The following CCDC102B variants were observed in gnomAD, a reference collection of about 807,000 sequenced individuals.
CCDC102B encodes coiled-coil domain-containing protein 102B.
CCDC102B carries 75 observed loss-of-function variants against 57.4 expected under a neutral mutation model. That is an observed-to-expected ratio of 1.31 (90% CI 1.08 to 1.58). CCDC102B has a LOEUF of 1.58. Among genes scored for constraint, CCDC102B ranks in the 40% most tolerant of loss-of-function variants. CCDC102B has a pLI of 0.00. For synonymous variants in CCDC102B, 206 were observed against 201.9 expected (o/e 1.02, Z -0.17); for missense variants, 636 against 582.6 (o/e 1.09, Z -0.94).
chr18:68,897,896 G>A lies in CCDC102B; in HGVS notation c.1263+468G>A, dbSNP rs150141104. 4.4e-3 allele frequency: 930 copies of A among 209,460 alleles called. 11 individuals are homozygous for A. Among genetic ancestry groups the A allele is most frequent in the African/African-American group, 0.021 (880 of 42,096 alleles). The allele number at this position is 209,460 out of a possible 1,614,324, so 13.0% of individuals were successfully genotyped here. On this transcript the variant is annotated intron_variant, in intron 6 of 7. Transcript: ENST00000360242. Reference sequence around the variant, plus strand: ...GGTTCTTTTTTGTCAGTTTCAGAACGATTATTTTTGAGCTAATGAAATGCA... The same window carrying A: ...GGTTCTTTTTTGTCAGTTTCAGAACAATTATTTTTGAGCTAATGAAATGCA...
chr18:68,980,368 T>G (rs1462212033), intron 6 of CCDC102B, among the ~76,000 whole-genome samples: 1 of 150,510 alleles, frequency 6.6e-6, no homozygotes, highest in South Asian at 2.1e-4. Context: ...GGGCCTGATA[T>G]GTCCTGTCAC....
chr18:68,770,518 G>T (rs113574623), intron 2 of CCDC102B, among the ~76,000 whole-genome samples: 6 of 152,132 alleles, frequency 3.9e-5, no homozygotes, highest in Admixed American at 3.9e-4. Context: ...CTTCCATGAC[G>T]CCAAGGCAAG....
chr18:69,028,137 G>A (rs1009541682), intron 7 of CCDC102B, among the ~76,000 whole-genome samples: 1 of 152,164 alleles, frequency 6.6e-6, no homozygotes, highest in African/African-American at 2.4e-5. Flanking sequence ...GAAGCATATG[G>A]GGCAACTAAG....
At chr18:68,806,097 A>G (rs1388929378) in intron 1 of CCDC102B, among the ~76,000 whole-genome samples, 1 of 152,216 alleles carries the variant, frequency 6.6e-6, no homozygotes, top group Non-Finnish European at 1.5e-5. Flanking sequence ...AATTTTGGAT[A>G]AAAATAAAAT....
At chr18:68,982,064 G>T (rs73467655) in intron 6 of CCDC102B, among the ~76,000 whole-genome samples, 10,041 of 151,896 alleles carry the variant, frequency 0.066, 571 homozygotes, top group African/African-American at 0.14. Flanking sequence ...TTGAGGATGA[G>T]AAATGAAGCC....
At position 68,809,863 on chromosome 18, in the gene CCDC102B, A is replaced by G. The variant is rs2036178042; in HGVS notation, c.-16+11682A>G. ...ATTATATACATGTGTGAATGTTTAT[A>G]GTAAAATGGTCATTAAAATACATTG... On this transcript the variant is annotated intron_variant, in intron 1 of 7. Transcript: ENST00000360242. 2.0e-5 allele frequency among the ~76,000 whole-genome samples: 3 copies of G among 152,354 alleles called. No homozygotes were observed. In the South Asian group the frequency reaches 6.2e-4, roughly 32 times the overall value.
intron 4 of CCDC102B, 46 bp downstream of exon 4, chr18:68,846,467 T>C (rs2037866317): frequency 1.6e-6 from 2 of 1,281,468 alleles, no homozygotes; most frequent in African/African-American, 1.5e-5. Flanking sequence ...CCTAGCTTTT[T>C]CTTTCTTTGG....
chr18:68,922,350 C>T (rs750811536), intron 6 of CCDC102B, among the ~76,000 whole-genome samples: 9 of 152,094 alleles, frequency 5.9e-5, no homozygotes, highest in Non-Finnish European at 1.3e-4. Flanking sequence ...ACACAGGTTA[C>T]CCTAGTTTGG....
chr18:68,956,402 ATATTTT>A (rs2049865116), intron 6 of CCDC102B, among the ~76,000 whole-genome samples: 2 of 70,930 alleles, frequency 2.8e-5, no homozygotes, highest in African/African-American at 1.4e-4. Flanking sequence ...ATATATAAAT[ATATTTT>A]ATATATATTA....
chr18:68,832,841 G>A (rs1176965674), intron 1 of CCDC102B, among the ~76,000 whole-genome samples: 9 of 151,988 alleles, frequency 5.9e-5, no homozygotes, highest in Admixed American at 2.0e-4. Context: ...TGGAGGTGAG[G>A]TTGTGCAAGG....
chr18:68,799,701 G>A (rs1044178628), intron 1 of CCDC102B, among the ~76,000 whole-genome samples: 1 of 152,184 alleles, frequency 6.6e-6, no homozygotes, highest in Non-Finnish European at 1.5e-5. Context: ...AGTGGAACTT[G>A]GATAGGTGCT....
chr18:69,048,803 T>C (rs2052627233), intron 7 of CCDC102B, among the ~76,000 whole-genome samples: 1 of 152,112 alleles, frequency 6.6e-6, no homozygotes, highest in Admixed American at 6.6e-5. Flanking sequence ...TTCACTTTAA[T>C]AACGCTGGTA....
At chr18:68,901,088 C>T (rs575398845) in intron 6 of CCDC102B, among the ~76,000 whole-genome samples, 1 of 152,154 alleles carries the variant, frequency 6.6e-6, no homozygotes, top group East Asian at 1.9e-4. Flanking sequence ...AAAATCTTAC[C>T]CGAGGAATGT....
chr18:68,994,338 A>G (rs2050957491), intron 6 of CCDC102B, among the ~76,000 whole-genome samples: 1 of 152,062 alleles, frequency 6.6e-6, no homozygotes, highest in South Asian at 2.1e-4. Context: ...TGGTATATTC[A>G]TTGTATGGTC....
chr18:68,952,940 T>C (rs1420721647), intron 6 of CCDC102B, among the ~76,000 whole-genome samples: 1 of 152,130 alleles, frequency 6.6e-6, no homozygotes, highest in Non-Finnish European at 1.5e-5. Flanking sequence ...GGGGGTAGTG[T>C]ACTGTGTTTC....
At chr18:68,908,285 C>T (rs1250031890) in intron 6 of CCDC102B, 5 of 152,076 alleles carry the variant, frequency 3.3e-5, no homozygotes, top group African/African-American at 1.2e-4. Context: ...CAGGGTAATG[C>T]TAGACGTTGA....
intron 5 of CCDC102B, among the ~76,000 whole-genome samples, chr18:68,880,041 C>T (rs1173353135): frequency 6.6e-6 from 1 of 152,166 alleles, no homozygotes; most frequent in Non-Finnish European, 1.5e-5. Context: ...CGCTGTGGAG[C>T]AGGGGGCGGT....
chr18:69,014,592 T>G (rs972493395), intron 7 of CCDC102B, among the ~76,000 whole-genome samples: 1 of 151,342 alleles, frequency 6.6e-6, no homozygotes, highest in Non-Finnish European at 1.5e-5. Flanking sequence ...TGGGCAAGCA[T>G]GTGTGTGTGT....
At chr18:68,998,301 A>T (rs1159614007) in intron 6 of CCDC102B, among the ~76,000 whole-genome samples, 2 of 134,644 alleles carry the variant, frequency 1.5e-5, no homozygotes, top group East Asian at 4.2e-4. Context: ...ACACATATAT[A>T]CACACATATA....
Sources: allele counts gnomAD v4.1 joint callset (sites outside exome capture counted in the v4.1 genomes callset), GRCh38; gene constraint gnomAD v4.1.1; transcripts MANE v1.5; gene names NCBI Gene and HGNC (gene_info 2026-07-23, HGNC 2026-07-21).